The following CNBD1 variants were observed in gnomAD, a reference collection of about 807,000 sequenced individuals.
CNBD1 encodes the protein cyclic nucleotide binding domain containing 1.
CNBD1 carries 71 observed loss-of-function variants against 54.4 expected under a neutral mutation model. The ratio of observed to expected loss-of-function variants is 1.30; its 90% CI spans 1.08 to 1.59. The LOEUF is 1.59. Among genes scored for constraint, CNBD1 ranks in the 40% most tolerant of loss-of-function variants. The pLI is 0.00. For missense variants in CNBD1, 659 were observed against 518.0 expected, an observed-to-expected ratio of 1.27 and a Z score of -2.64; for synonymous variants, 182 against 170.7, an observed-to-expected ratio of 1.07 and a Z score of -0.51.
At chr8:87,123,033 T>G (rs1031114723) in intron 4 of CNBD1, among the ~76,000 whole-genome samples, 3 of 151,900 alleles carry the variant, frequency 2.0e-5, no homozygotes, top group Non-Finnish European at 4.4e-5. Context: ...CAGGACCTTT[T>G]GTGATTCCAT....
At chr8:87,400,512 G>A (rs774237483) in intron 2 of CNBD1, among the ~76,000 whole-genome samples, 1 of 151,952 alleles carries the variant, frequency 6.6e-6, no homozygotes, top group Non-Finnish European at 1.5e-5. Flanking sequence ...GTGGCAGTGT[G>A]TTGATCAATT....
At chr8:87,324,424 A>T (rs911635042) in intron 8 of CNBD1, among the ~76,000 whole-genome samples, 1 of 138,882 alleles carries the variant, frequency 7.2e-6, no homozygotes, top group African/African-American at 2.6e-5. Flanking sequence ...CTGTGAATCC[A>T]TCTGGTCCTG....
intron 3 of CNBD1, among the ~76,000 whole-genome samples, chr8:86,922,172 C>A (rs1219494598): frequency 1.3e-5 from 2 of 152,118 alleles, no homozygotes; most frequent in African/African-American, 4.8e-5. Context: ...CTGTCAAAGC[C>A]ACCTTAGCTG....
chr8:87,017,591 C>T (rs1454352081), intron 4 of CNBD1, among the ~76,000 whole-genome samples: 1 of 152,154 alleles, frequency 6.6e-6, no homozygotes, highest in Non-Finnish European at 1.5e-5. Flanking sequence ...CAAAAAGCCT[C>T]TTTTCTAAAA....
chr8:87,421,325 C>A (rs1467513410), intron 2 of CNBD1, among the ~76,000 whole-genome samples: 1 of 150,256 alleles, frequency 6.7e-6, no homozygotes, highest in Non-Finnish European at 1.5e-5. Context: ...GCACATTGTG[C>A]AGGTTAGTTA....
At chr8:87,047,479 C>T (rs566832063) in intron 4 of CNBD1, among the ~76,000 whole-genome samples, 9 of 152,262 alleles carry the variant, frequency 5.9e-5, no homozygotes, top group Non-Finnish European at 1.2e-4. Flanking sequence ...CTGTTCGGGT[C>T]AAAGACTAAA....
intron 4 of CNBD1, among the ~76,000 whole-genome samples, chr8:87,026,599 ATAT>A (rs1187965068): frequency 6.6e-6 from 1 of 152,142 alleles, no homozygotes; most frequent in Non-Finnish European, 1.5e-5. Flanking sequence ...TAGTCATTTT[ATAT>A]TAGAACAAAA....
chr8:87,120,823 T>C (rs979995837), intron 4 of CNBD1, among the ~76,000 whole-genome samples: 2 of 151,948 alleles, frequency 1.3e-5, no homozygotes, highest in Non-Finnish European at 2.9e-5. Flanking sequence ...TTATTAGGAA[T>C]TTATCTGTCT....
At chr8:87,169,686 C>A (rs1813045298) in intron 4 of CNBD1, among the ~76,000 whole-genome samples, 1 of 151,934 alleles carries the variant, frequency 6.6e-6, no homozygotes, top group Non-Finnish European at 1.5e-5. Flanking sequence ...AATGTATGTT[C>A]TTGACACCTT....
intron 3 of CNBD1, among the ~76,000 whole-genome samples, chr8:86,916,681 G>A (rs1288028467): frequency 6.6e-6 from 1 of 151,778 alleles, no homozygotes; most frequent in African/African-American, 2.4e-5. Context: ...TTTCTCTGGT[G>A]CTGGCTGCAA....
intron 5 of CNBD1, 139 bp downstream of exon 5, chr8:87,206,277 T>C: frequency 1.6e-6 from 1 of 640,330 alleles, no homozygotes. Flanking sequence ...GTGTGTTTCA[T>C]TTGTAAGTTT....
At chr8:86,949,662 A>G (rs918335884) in intron 4 of CNBD1, among the ~76,000 whole-genome samples, 5 of 152,102 alleles carry the variant, frequency 3.3e-5, no homozygotes, top group Non-Finnish European at 5.9e-5. Context: ...ATTGTCTACA[A>G]ATAAAAATAA....
At chr8:86,905,330 C>A in intron 3 of CNBD1, 136 bp downstream of exon 3, 1 of 518,306 alleles carries the variant, frequency 1.9e-6, no homozygotes. Context: ...AGGGAGCAGC[C>A]AAGGAAACAG....
At chr8:87,284,870 A>G (rs1808662778) in intron 7 of CNBD1, 55 bp downstream of exon 7, 11 of 1,257,554 alleles carry the variant, frequency 8.7e-6, no homozygotes, top group Middle Eastern at 2.0e-4. Context: ...AACTCAAGCT[A>G]CATTTTGATT....
chr8:87,006,059 G>A (rs773875127), intron 4 of CNBD1, among the ~76,000 whole-genome samples: 10 of 152,196 alleles, frequency 6.6e-5, no homozygotes, highest in Non-Finnish European at 1.2e-4. Flanking sequence ...TCATGCTGAG[G>A]AACATTGAGG....
intron 1 of CNBD1, among the ~76,000 whole-genome samples, chr8:86,869,456 C>T (rs1808410365): frequency 6.6e-6 from 1 of 152,182 alleles, no homozygotes; most frequent in Non-Finnish European, 1.5e-5. Flanking sequence ...GGCAACATGT[C>T]ACACATCTTC....
chr8:86,997,196 A>G (rs949676391), intron 4 of CNBD1, among the ~76,000 whole-genome samples: 3 of 152,194 alleles, frequency 2.0e-5, no homozygotes, highest in Non-Finnish European at 4.4e-5. Context: ...AGACATGAAC[A>G]GTGTTGTTTC....
chr8:86,975,596 G>A (rs769439002), intron 4 of CNBD1, among the ~76,000 whole-genome samples: 21 of 151,818 alleles, frequency 1.4e-4, no homozygotes, highest in African/African-American at 2.2e-4. Flanking sequence ...GTTCCATTTC[G>A]TGTATATACC....
At chr8:87,288,297 G>C (rs536098007) in intron 8 of CNBD1, among the ~76,000 whole-genome samples, 59 of 151,758 alleles carry the variant, frequency 3.9e-4, no homozygotes, top group African/African-American at 1.4e-3. Flanking sequence ...TGGTTGTTTT[G>C]GATTTGTCAT....
Sources: gnomAD v4.1 joint callset for allele counts (sites outside exome capture counted in the v4.1 genomes callset) on GRCh38, gnomAD v4.1.1 for gene constraint, MANE v1.5 for transcripts, NCBI Gene and HGNC (gene_info 2026-07-23, HGNC 2026-07-21) for gene names.